The following DMD variants were observed in gnomAD, a reference collection of about 807,000 sequenced individuals.
DMD encodes dystrophin.
Under a neutral mutation model 330.1 loss-of-function variants are expected in DMD, and 63 were observed. The observed-to-expected ratio is 0.19, with a 90% CI of 0.16 to 0.24. DMD has a LOEUF of 0.24. Among genes scored for constraint, DMD ranks in the 10% least tolerant of loss-of-function variants. The probability of loss-of-function intolerance (pLI) is 1.00; values close to 1 mark genes in which losing one functional copy is unlikely to be tolerated. For missense variants in DMD, 3,344 were observed against 2,684.1 expected, an observed-to-expected ratio of 1.25 and a Z score of -5.43; for synonymous variants, 1,223 against 959.8, an observed-to-expected ratio of 1.27 and a Z score of -5.07.
intron 1 of DMD, among the ~76,000 whole-genome samples, chrX:33,123,890 C>T (rs887439279): frequency 6.3e-5 from 7 of 110,471 alleles, no homozygotes; most frequent in Non-Finnish European, 1.1e-4. Flanking sequence ...AAAGGCTGGG[C>T]GTTGTGAGTC....
At chrX:33,100,651 G>T (rs939531378) in intron 1 of DMD, among the ~76,000 whole-genome samples, 1 of 111,450 alleles carries the variant, frequency 9.0e-6, no homozygotes, top group Non-Finnish European at 1.9e-5. Context: ...AGATTGCACA[G>T]TTGCCCTCTA....
chrX:31,545,647 A>G (rs1019325114), intron 55 of DMD, among the ~76,000 whole-genome samples: 1 of 112,252 alleles, frequency 8.9e-6, no homozygotes, highest in African/African-American at 3.2e-5. Flanking sequence ...GATTTCTAAC[A>G]AGGATTTGTC....
At chrX:31,845,975 G>C (rs1298041560) in intron 48 of DMD, among the ~76,000 whole-genome samples, 1 of 111,264 alleles carries the variant, frequency 9.0e-6, no homozygotes, top group African/African-American at 3.3e-5. Flanking sequence ...GATACTTGTA[G>C]AGTGACTGAA....
intron 61 of DMD, among the ~76,000 whole-genome samples, chrX:31,336,415 A>G (rs2057406343): frequency 8.9e-6 from 1 of 112,122 alleles, no homozygotes; most frequent in African/African-American, 3.2e-5. Context: ...GTGTGATCCC[A>G]CCATTTCTGT....
chrX:32,507,796 G>T (rs1417304905), intron 18 of DMD, among the ~76,000 whole-genome samples: 3 of 111,288 alleles, frequency 2.7e-5, no homozygotes, highest in Admixed American at 9.6e-5. Context: ...TTGTAAGAAA[G>T]AAGAAATCAG....
At chrX:31,396,181 A>G (rs1335694504) in intron 60 of DMD, among the ~76,000 whole-genome samples, 1 of 99,630 alleles carries the variant, frequency 1.0e-5, no homozygotes, top group Non-Finnish European at 2.0e-5. Context: ...TCTGTGGCCC[A>G]GGCTGGAGTG....
rs2148427766 is a variant in DMD, at chrX:32,464,632, G to A, written c.3230C>T (p.Ala1077Val). The change falls in exon 24 of 79, where the codon GCC (alanine) becomes GTC (valine). Residue 1077 changes from alanine to valine, a missense_variant. Ala to Val is a moderately conservative substitution (Grantham distance 64). Coordinates refer to ENST00000357033, the MANE Select transcript of DMD (RefSeq NM_004006.3). ...VDVFLKEEWPALGDSEILKKQ... is the reference protein window; with the variant it reads ...VDVFLKEEWPVLGDSEILKKQ... The stretch of plus-strand genomic sequence containing the variant: ...TTTTAGAATTTCTGAATCCCCAAGG[G>A]CAGGCCATTCCTCCTTCAGAAAAAC... 1 of 1,210,440 alleles carries A rather than the reference G, an allele frequency of 8.3e-7. No individual in the cohort carries two copies. The highest frequency in any genetic ancestry group is 1.8e-5 in the South Asian group (1 of 56,946).
intron 44 of DMD, among the ~76,000 whole-genome samples, chrX:32,110,142 G>A (rs1205728866): frequency 8.9e-6 from 1 of 111,820 alleles, no homozygotes; most frequent in East Asian, 2.8e-4. Flanking sequence ...ATTGGCTGTC[G>A]TTTACCTATT....
At chrX:31,473,090 C>A (rs1662084316) in intron 59 of DMD, among the ~76,000 whole-genome samples, 1 of 111,171 alleles carries the variant, frequency 9.0e-6, no homozygotes, top group South Asian at 3.8e-4. Flanking sequence ...GGCGCAGTGG[C>A]TCACGCCTGT....
At chrX:31,548,939 T>C (rs1166594113) in intron 55 of DMD, among the ~76,000 whole-genome samples, 1 of 110,304 alleles carries the variant, frequency 9.1e-6, no homozygotes, top group African/African-American at 3.3e-5. Flanking sequence ...AACTGATTTT[T>C]TTTAAAAAAA....
intron 1 of DMD, among the ~76,000 whole-genome samples, chrX:33,156,664 A>T (rs1306794160): frequency 1.8e-5 from 2 of 112,153 alleles, no homozygotes; most frequent in African/African-American, 6.5e-5. Flanking sequence ...GCTCTTGCTG[A>T]TGGGTAATTC....
At chrX:32,980,666 A>G (rs902175337) in intron 2 of DMD, among the ~76,000 whole-genome samples, 4 of 111,027 alleles carry the variant, frequency 3.6e-5, no homozygotes, top group African/African-American at 1.3e-4. Flanking sequence ...TTTCCGAATC[A>G]TAATATTTTT....
intron 59 of DMD, among the ~76,000 whole-genome samples, chrX:31,453,193 T>C (rs1312580750): frequency 1.8e-5 from 2 of 111,434 alleles, no homozygotes; most frequent in Non-Finnish European, 3.8e-5. Flanking sequence ...TCTCGCTCTG[T>C]TGCCCAGGCT....
chrX:31,218,876 C>T (rs181881617), intron 64 of DMD, among the ~76,000 whole-genome samples: 93 of 111,288 alleles, frequency 8.4e-4, no homozygotes, highest in African/African-American at 2.5e-3. Context: ...GCCCAGTTCT[C>T]GCTCCAATTC....
intron 44 of DMD, among the ~76,000 whole-genome samples, chrX:32,203,792 T>A (rs748627932): frequency 8.9e-5 from 10 of 111,957 alleles, no homozygotes; most frequent in Admixed American, 2.9e-4. Flanking sequence ...AACAATGTAA[T>A]TGAAGGCACT....
intron 61 of DMD, among the ~76,000 whole-genome samples, chrX:31,345,672 G>A (rs188683980): frequency 1.8e-5 from 2 of 111,570 alleles, no homozygotes. Context: ...ACCAAGGCAA[G>A]TTAAGTAGAC....
chrX:32,292,120 T>C (rs1401474048), intron 42 of DMD, among the ~76,000 whole-genome samples: 3 of 109,721 alleles, frequency 2.7e-5, no homozygotes, highest in Middle Eastern at 4.2e-3. Context: ...AGGTGCTCTA[T>C]ATAATCTCCA....
At chrX:31,511,839 G>T (rs2071635662) in intron 55 of DMD, among the ~76,000 whole-genome samples, 1 of 101,927 alleles carries the variant, frequency 9.8e-6, no homozygotes, top group African/African-American at 3.6e-5. Context: ...AGTCCTTTGG[G>T]TATATACCCA....
At chrX:32,947,889 AG>A (rs2090930490) in intron 2 of DMD, among the ~76,000 whole-genome samples, 1 of 111,485 alleles carries the variant, frequency 9.0e-6, no homozygotes, top group African/African-American at 3.3e-5. Flanking sequence ...AGGAGAAAAC[AG>A]ATTCCTAAGC....
Sources: gnomAD v4.1 joint callset for allele counts (sites outside exome capture counted in the v4.1 genomes callset) on GRCh38, gnomAD v4.1.1 for gene constraint, MANE v1.5 for transcripts, NCBI Gene and HGNC (gene_info 2026-07-23, HGNC 2026-07-21) for gene names.